STK31: variants seen among roughly 807,000 people sequenced by gnomAD.
STK31 encodes serine/threonine-protein kinase 31.
STK31 carries 89 observed loss-of-function variants against 129.7 expected under a neutral mutation model. The observed-to-expected ratio is 0.69, with a 90% CI of 0.58 to 0.82. The LOEUF (loss-of-function observed/expected upper bound fraction) is 0.82. Among genes scored for constraint, STK31 ranks in the 40% least tolerant of loss-of-function variants. The pLI, the probability that STK31 is intolerant of heterozygous loss-of-function variation, is 0.00. For missense variants in STK31, 1,187 were observed against 1,176.4 expected, an observed-to-expected ratio of 1.01 and a Z score of -0.13; for synonymous variants, 448 against 395.3, an observed-to-expected ratio of 1.13 and a Z score of -1.58.
chr7:23,832,095 C>G (rs747248504), intron 23 of STK31, 41 bp from the exon 24 acceptor site: 3 of 1,430,312 alleles, frequency 2.1e-6, no homozygotes, highest in South Asian at 2.3e-5. Context: ...CAGATTTGTC[C>G]TTTTGTTCCT....
chr7:23,755,626 G>C (rs1789021335), intron 10 of STK31, among the ~76,000 whole-genome samples: 1 of 152,160 alleles, frequency 6.6e-6, no homozygotes. Flanking sequence ...GGTTTTTATA[G>C]TTTTAGGTTT....
chr7:23,777,932 G>C (rs530014648), intron 15 of STK31, among the ~76,000 whole-genome samples: 1 of 152,054 alleles, frequency 6.6e-6, no homozygotes, highest in African/African-American at 2.4e-5. Flanking sequence ...TCATAGTGTC[G>C]ACGGTCTTTA....
At chr7:23,783,523 A>G in intron 16 of STK31, 60 bp from the exon 17 acceptor site, 1 of 1,236,234 alleles carries the variant, frequency 8.1e-7, no homozygotes. Context: ...CTGAAGAGCA[A>G]CATGTCAAAA....
intron 3 of STK31, among the ~76,000 whole-genome samples, chr7:23,713,703 C>G (rs1338242225): frequency 6.6e-6 from 1 of 152,066 alleles, no homozygotes; most frequent in East Asian, 1.9e-4. Context: ...ACTTCCGCTT[C>G]TTGTCCTACT....
rs776878355 is a variant in STK31 at position 23,769,187 on chromosome 7, C to G, written c.1596+13C>G. On this transcript the variant is annotated intron_variant, in intron 12 of 23. Coordinates refer to ENST00000355870, the MANE Select transcript of STK31 (RefSeq NM_031414.5). ...AAGAACCTTAAAGGTAATAAAAGCT[C>G]CTGCCCGGTTGTGTTTGTAGCATAA... 153 of 1,528,852 alleles carry G rather than the reference C, an allele frequency of 1.0e-4. No individual in the cohort carries two copies. Among genetic ancestry groups the G allele is most frequent in the Non-Finnish European group, 1.2e-4 (142 of 1,143,022 alleles). 94.7% of individuals were successfully genotyped at this position (1,528,852 alleles called of 1,614,324 possible).
chr7:23,808,971 G>GTGTGTGTGTGTGTGTGTGTGTGTGCGCA lies in STK31; in HGVS notation c.2761-6173_2761-6172insTGTGTGTGTGTGTGTGTGTGTGTGCGCA, dbSNP rs1554297246. Among the ~76,000 whole-genome samples the GTGTGTGTGTGTGTGTGTGTGTGTGCGCA allele has an allele frequency of 4.9e-5, 3 of 60,944 alleles. No homozygotes were observed. In the East Asian group the frequency reaches 1.2e-3, roughly 23 times the overall value. The allele number at this position is 60,944 out of a possible 152,430, so 40.0% of individuals were successfully genotyped here. A position where few individuals can be genotyped will look rare whatever the true frequency, so the allele number is the denominator to read the frequency against. On this transcript the variant is annotated intron_variant, in intron 22 of 23. Transcript: ENST00000355870. ...TGTGTGTGTGTGTGTGTGTGTGTGT[G>GTGTGTGTGTGTGTGTGTGTGTGTGCGCA]CCTGTGTCTGTTGGCATTTCTGGGT...
chr7:23,791,412 A>AACAT, intron 22 of STK31: 1 of 519,648 alleles, frequency 1.9e-6, no homozygotes, highest in Non-Finnish European at 2.5e-6. Flanking sequence ...TATAAGTGGG[A>AACAT]GCTAAACACT....
intron 22 of STK31, among the ~76,000 whole-genome samples, chr7:23,807,574 G>A (rs185289205): frequency 6.6e-6 from 1 of 151,992 alleles, no homozygotes; most frequent in Non-Finnish European, 1.5e-5. Context: ...CAGCCTGTGG[G>A]CTTATGTTTT....
intron 22 of STK31, chr7:23,811,139 T>C (rs2214237): frequency 0.76 from 124,807 of 164,766 alleles, 47,878 homozygotes; most frequent in African/African-American, 0.88. Context: ...TTGCCAGATT[T>C]GTTAATTTTT....
At chr7:23,818,041 A>T (rs1793568833) in intron 23 of STK31, among the ~76,000 whole-genome samples, 1 of 152,036 alleles carries the variant, frequency 6.6e-6, no homozygotes, top group Non-Finnish European at 1.5e-5. Flanking sequence ...TTACACAGTT[A>T]TCACACCTTA....
intron 10 of STK31, among the ~76,000 whole-genome samples, chr7:23,757,940 A>T (rs1008889336): frequency 2.0e-5 from 3 of 152,134 alleles, no homozygotes; most frequent in Non-Finnish European, 4.4e-5. Flanking sequence ...GATTTTTAAC[A>T]AGCATACTGC....
At chr7:23,813,088 T>TC (rs201348499) in intron 22 of STK31, among the ~76,000 whole-genome samples, 1,637 of 131,418 alleles carry the variant, frequency 0.012, 35 homozygotes, top group African/African-American at 0.05. Flanking sequence ...CTTTTTTTTT[T>TC]TTTTTTTTTT....
intron 23 of STK31, among the ~76,000 whole-genome samples, chr7:23,820,621 C>A (rs1793735776): frequency 6.6e-6 from 1 of 152,110 alleles, no homozygotes; most frequent in African/African-American, 2.4e-5. Context: ...GTACTTATTT[C>A]TTCTGTCAAC....
chr7:23,710,661 C>G lies in STK31; in HGVS notation c.50+326C>G, dbSNP rs541432518. 8 of 1,143,946 alleles carry G rather than the reference C, an allele frequency of 7.0e-6. No homozygotes were observed. In the East Asian group the frequency reaches 4.3e-4, roughly 61 times the overall value. The allele number at this position is 1,143,946 out of a possible 1,614,324, so 70.9% of individuals were successfully genotyped here. The stretch of plus-strand genomic sequence containing the variant: ...TTATAAAATAAGTGTCAGAGAGCTA[C>G]GTGTACCCGTTTCTTCCAAATTTTC... On this transcript the variant is annotated intron_variant, in intron 1 of 23. Coordinates refer to ENST00000355870, the MANE Select transcript of STK31 (RefSeq NM_031414.5).
At chr7:23,719,523 C>A (rs149470909) in intron 4 of STK31, among the ~76,000 whole-genome samples, 1 of 152,112 alleles carries the variant, frequency 6.6e-6, no homozygotes, top group African/African-American at 2.4e-5. Context: ...ACTTCTAAAG[C>A]AACATTTAAC....
Position 23,735,841 on chromosome 7 carries a change from A to G in STK31, c.787A>G (p.Met263Val), listed in dbSNP as rs1658519946. The G allele has an allele frequency of 1.2e-6, 2 of 1,607,226 alleles. No homozygotes were observed. Among genetic ancestry groups the G allele is most frequent in the African/African-American group, 1.3e-5 (1 of 74,676 alleles). ...GCCCAAGGGGCACTTAAGTGAGAAA[A>G]TGACTCTTGACTTGAAGGATGAAAA... ...SRPKGHLSEK[M>V]TLDLKDENDA... The change falls in exon 7 of 24, where the codon ATG becomes GTG. Residue 263 changes from methionine to valine, a missense_variant. Around this residue, in one of 5 missense-constraint regions of STK31, gnomAD observed 975 missense variants for 934.9 expected, o/e 1.04. Coordinates refer to ENST00000355870, the MANE Select transcript of STK31 (RefSeq NM_031414.5).
intron 4 of STK31, among the ~76,000 whole-genome samples, chr7:23,720,076 T>A (rs1786598219): frequency 6.6e-6 from 1 of 152,206 alleles, no homozygotes; most frequent in Non-Finnish European, 1.5e-5. Context: ...TGCCTGTTTT[T>A]ATCACTGATA....
At chr7:23,740,830 AT>A (rs961117820) in intron 8 of STK31, among the ~76,000 whole-genome samples, 4 of 151,712 alleles carry the variant, frequency 2.6e-5, no homozygotes, top group East Asian at 1.9e-4. Flanking sequence ...TTAACTCATC[AT>A]TTTTTTTGGC....
chr7:23,717,097 C>CCTTTTTTTT (rs1786381897), intron 3 of STK31, among the ~76,000 whole-genome samples: 1 of 42,934 alleles, frequency 2.3e-5, no homozygotes, highest in Non-Finnish European at 4.2e-5. Flanking sequence ...TCGCAACCTG[C>CCTTTTTTTT]TTTTTTTTTT....
Sources: gnomAD v4.1 joint callset for allele counts (sites outside exome capture counted in the v4.1 genomes callset) on GRCh38, gnomAD v4.1.1 for gene constraint, gnomAD v4.1.1 regional missense constraint, MANE v1.5 for transcripts, NCBI Gene and HGNC (gene_info 2026-07-23, HGNC 2026-07-21) for gene names.